The following RPSA2 variants were observed in gnomAD, a reference collection of about 807,000 sequenced individuals.
RPSA2 encodes the protein small ribosomal subunit protein uS2B.
At chr19:23,853,389 C>G in the RPSA2 span, among the ~76,000 whole-genome samples, 15 of 152,040 alleles carry the variant, frequency 9.9e-5, no homozygotes, top group Non-Finnish European at 2.2e-4. Context: ...ATGAGAATTC[C>G]AGGGGGGAAA....
chr19:23,867,027 C>A, the RPSA2 span, among the ~76,000 whole-genome samples: 1 of 152,174 alleles, frequency 6.6e-6, no homozygotes, highest in African/African-American at 2.4e-5. Flanking sequence ...TTATCCCCTG[C>A]AAATTACACC....
chr19:23,842,042 T>C, the RPSA2 span, among the ~76,000 whole-genome samples: 2 of 152,228 alleles, frequency 1.3e-5, no homozygotes, highest in South Asian at 2.1e-4. Context: ...ACTAGATGTT[T>C]TACAAAGTAT....
the RPSA2 span, among the ~76,000 whole-genome samples, chr19:23,776,334 A>G: frequency 1.3e-5 from 2 of 152,246 alleles, no homozygotes; most frequent in East Asian, 3.9e-4. Context: ...TGCTTTCCAC[A>G]TGGGGCATTT....
At chr19:23,784,682 C>G in the RPSA2 span, among the ~76,000 whole-genome samples, 4 of 152,128 alleles carry the variant, frequency 2.6e-5, no homozygotes, top group Non-Finnish European at 5.9e-5. Context: ...CACACTCAGA[C>G]AACAGTAAAG....
At chr19:23,765,872 C>A in the RPSA2 span, among the ~76,000 whole-genome samples, 2 of 152,164 alleles carry the variant, frequency 1.3e-5, no homozygotes, top group African/African-American at 2.4e-5. Context: ...TTGGATTACA[C>A]AGATGAACAG....
the RPSA2 span, among the ~76,000 whole-genome samples, chr19:23,787,467 G>A: frequency 6.6e-6 from 1 of 151,908 alleles, no homozygotes; most frequent in African/African-American, 2.4e-5. Context: ...AAAGCAGCCA[G>A]CCATGGTGAC....
the RPSA2 span, among the ~76,000 whole-genome samples, chr19:23,842,139 A>G: frequency 3.9e-5 from 6 of 152,176 alleles, no homozygotes; most frequent in African/African-American, 9.7e-5. Context: ...CTTGAATTAG[A>G]ATACGTATTT....
chr19:23,837,066 C>T, the RPSA2 span, among the ~76,000 whole-genome samples: 30 of 152,048 alleles, frequency 2.0e-4, no homozygotes, highest in Non-Finnish European at 4.4e-5. Flanking sequence ...CAACCAATGC[C>T]TAGAAGAGTT....
At chr19:23,758,861 G>C in the RPSA2 span, 30 of 1,464,460 alleles carry the variant, frequency 2.0e-5, no homozygotes, top group East Asian at 2.3e-5. Flanking sequence ...CAGTGAAGAC[G>C]AGACCCGGAG....
the RPSA2 span, among the ~76,000 whole-genome samples, chr19:23,844,819 TG>T: frequency 6.6e-6 from 1 of 151,750 alleles, no homozygotes; most frequent in South Asian, 2.1e-4. Flanking sequence ...CTCAATTTTT[TG>T]GAAGAGTTTC....
chr19:23,805,625 C>A, the RPSA2 span, among the ~76,000 whole-genome samples: 1 of 151,956 alleles, frequency 6.6e-6, no homozygotes, highest in African/African-American at 2.4e-5. Flanking sequence ...ATAATTAGTC[C>A]AGAAAATGTC....
chr19:23,832,431 C>T, the RPSA2 span: 1 of 496,440 alleles, frequency 2.0e-6, no homozygotes, highest in Non-Finnish European at 4.1e-6. Context: ...AATTCTCAAC[C>T]CTAACTAGAC....
the RPSA2 span, among the ~76,000 whole-genome samples, chr19:23,785,714 C>T: frequency 6.6e-6 from 1 of 152,158 alleles, no homozygotes; most frequent in African/African-American, 2.4e-5. Context: ...TACTCTCCTC[C>T]TTTCTGCCTG....
chr19:23,846,948 AG>A, the RPSA2 span, among the ~76,000 whole-genome samples: 2 of 152,182 alleles, frequency 1.3e-5, no homozygotes, highest in Non-Finnish European at 2.9e-5. Flanking sequence ...TTTCTTAAAT[AG>A]GTTTTCTAAA....
chr19:23,816,984 T>A, the RPSA2 span, among the ~76,000 whole-genome samples: 1 of 150,314 alleles, frequency 6.7e-6, no homozygotes, highest in Non-Finnish European at 1.5e-5. Flanking sequence ...TTTTAAAAAA[T>A]GGAGTTTACA....
the RPSA2 span, among the ~76,000 whole-genome samples, chr19:23,854,892 G>A: frequency 4.1e-3 from 620 of 152,194 alleles, 2 homozygotes; most frequent in African/African-American, 0.013. Flanking sequence ...AAATTTTGTC[G>A]TTGGATGGAA....
At chr19:23,852,991 G>A in the RPSA2 span, among the ~76,000 whole-genome samples, 1 of 152,166 alleles carries the variant, frequency 6.6e-6, no homozygotes, top group Non-Finnish European at 1.5e-5. Flanking sequence ...TTCTTTGTCA[G>A]TGGGGTCAGC....
the RPSA2 span, chr19:23,818,913 C>G: frequency 5.9e-5 from 9 of 152,518 alleles, no homozygotes; most frequent in East Asian, 9.7e-4. Context: ...CCCTGCATAC[C>G]TATAATAAGT....
the RPSA2 span, among the ~76,000 whole-genome samples, chr19:23,840,962 CAAAAAAAA>C: frequency 0.51 from 59,628 of 117,970 alleles, 13,870 homozygotes; most frequent in South Asian, 0.61. Flanking sequence ...AACTCCGTCT[CAAAAAAAA>C]AAAAAAAAAA....
Sources: allele counts gnomAD v4.1 joint callset (sites outside exome capture counted in the v4.1 genomes callset), GRCh38; gene constraint gnomAD v4.1.1; transcripts MANE v1.5; gene names NCBI Gene and HGNC (gene_info 2026-07-23, HGNC 2026-07-21).